The following MLEC variants were observed in gnomAD, a reference collection of about 807,000 sequenced individuals.
MLEC encodes oligosaccharyltransferase complex subunit (non-catalytic).
Under a neutral mutation model 28.7 loss-of-function variants are expected in MLEC, and 7 were observed. That is an observed-to-expected ratio of 0.24 (90% CI 0.14 to 0.46). The LOEUF (loss-of-function observed/expected upper bound fraction) is 0.46, where lower values mean the gene tolerates loss of function less well. Ranked by LOEUF, MLEC falls within the 20% of genes least tolerant of loss-of-function variation. The pLI, the probability that MLEC is intolerant of heterozygous loss-of-function variation, is 0.99. For missense variants in MLEC, 237 were observed against 391.1 expected, an observed-to-expected ratio of 0.61 and a Z score of 3.32; for synonymous variants, 142 against 164.4, an observed-to-expected ratio of 0.86 and a Z score of 1.04.
chr12:120,692,987 G>T (rs777478749), intron 1 of MLEC, among the ~76,000 whole-genome samples: 1 of 152,134 alleles, frequency 6.6e-6, no homozygotes, highest in Non-Finnish European at 1.5e-5. Flanking sequence ...TTGGGAGGCC[G>T]ATGCGGGTGG....
Position 120,696,867 on chromosome 12 carries a change from T to G in MLEC, c.*322T>G, listed in dbSNP as rs940900690. On this transcript the variant is annotated 3_prime_UTR_variant, in exon 5 of 5. Coordinates refer to ENST00000228506, the MANE Select transcript of MLEC (RefSeq NM_014730.4). This position sits in a 1 kb window ranked among gnomAD's most constrained non-coding sequence, Gnocchi z 5.4. ...ATACCTAGTGGAAAGGACTCTGAACTCAGAGGAGTCACTGTTCCTTTTTTT... is the reference window on the plus strand; with the variant it reads ...ATACCTAGTGGAAAGGACTCTGAACGCAGAGGAGTCACTGTTCCTTTTTTT... The G allele has an allele frequency of 3.4e-6, 1 of 293,632 alleles. No individual in the cohort carries two copies. The highest frequency in any genetic ancestry group is 6.4e-6 in the Non-Finnish European group (1 of 156,458). 18.2% of individuals were successfully genotyped at this position (293,632 alleles called of 1,614,324 possible). A position where few individuals can be genotyped will look rare whatever the true frequency, so the allele number is the denominator to read the frequency against.
Position 120,695,125 on chromosome 12 carries a change from C to T in MLEC, c.622C>T (p.Leu208Phe), listed in dbSNP as rs770330301. ...GYYDNPKVCA[L>F]YIMAGTVDDV... ...CTATGACAATCCCAAGGTCTGTGCA[C>T]TCTACATCATGGCTGGGACAGTGGA... The change falls in exon 4 of 5, where the codon CTC becomes TTC. Residue 208 changes from leucine to phenylalanine, a missense_variant. By Grantham distance (22) the Leu-to-Phe change is conservative. Coordinates refer to ENST00000228506, the MANE Select transcript of MLEC (RefSeq NM_014730.4). 1 of 1,614,200 alleles carries T rather than the reference C, an allele frequency of 6.2e-7. No individual in the cohort carries two copies. The highest frequency in any genetic ancestry group is 1.1e-5 in the South Asian group (1 of 91,086).
At chr12:120,693,047 CAT>C in intron 1 of MLEC, among the ~76,000 whole-genome samples, 1 of 152,314 alleles carries the variant, frequency 6.6e-6, no homozygotes, top group East Asian at 1.9e-4. Flanking sequence ...AAGAAAAAAA[CAT>C]ATATACAACT....
At chr12:120,689,975 T>C (rs1236433621) in intron 1 of MLEC, among the ~76,000 whole-genome samples, 1 of 152,200 alleles carries the variant, frequency 6.6e-6, no homozygotes, top group East Asian at 1.9e-4. Flanking sequence ...TGGTTTATGC[T>C]TTCAAAAGCA....
intron 1 of MLEC, among the ~76,000 whole-genome samples, chr12:120,692,761 A>G (rs1244609301): frequency 6.6e-6 from 1 of 151,022 alleles, no homozygotes; most frequent in African/African-American, 2.4e-5. Context: ...TCTTAATTTC[A>G]TGCGGGAGGA....
At chr12:120,695,301 T>G (rs758437494) in intron 4 of MLEC, 149 bp downstream of exon 4, 3 of 862,220 alleles carry the variant, frequency 3.5e-6, no homozygotes, top group Admixed American at 1.9e-5. Flanking sequence ...GGATGAAGCA[T>G]AACATGGTAC....
chr12:120,696,497 G>A lies in MLEC; in HGVS notation c.831G>A (p.Val277=), dbSNP rs1419504344. 1 of 1,614,024 alleles carries A rather than the reference G, an allele frequency of 6.2e-7. No individual in the cohort carries two copies. The highest frequency in any genetic ancestry group is 1.3e-5 in the African/African-American group (1 of 74,894). The change falls in exon 5 of 5, where the codon GTG becomes GTA. Residue 277 remains valine, a synonymous_variant. Coordinates refer to ENST00000228506, the MANE Select transcript of MLEC (RefSeq NM_014730.4). The surrounding 1 kb of genome is among the most constrained non-coding windows in gnomAD (Gnocchi z 5.4). ...GCAGCCTCATGTTTCCCATCCTGGTGGCCTTCGGAGTCTTCATTCCAACCC... is the reference window on the plus strand; with the variant it reads ...GCAGCCTCATGTTTCCCATCCTGGTAGCCTTCGGAGTCTTCATTCCAACCC... ...DNSSLMFPIL[V]AFGVFIPTLF...
chr12:120,687,345 C>T lies in MLEC; in HGVS notation c.49C>T (p.Leu17=), dbSNP rs933718506. The T allele has an allele frequency of 3.8e-6, 5 of 1,329,314 alleles. No homozygotes were observed. Among genetic ancestry groups the T allele is most frequent in the Non-Finnish European group, 4.8e-6 (5 of 1,032,536 alleles). The allele number at this position is 1,329,314 out of a possible 1,614,324, so 82.3% of individuals were successfully genotyped here. A position where few individuals can be genotyped will look rare whatever the true frequency, so the allele number is the denominator to read the frequency against. The change falls in exon 1 of 5, where the codon CTG becomes TTG. Residue 17 remains leucine, a synonymous_variant. Coordinates refer to ENST00000228506, the MANE Select transcript of MLEC (RefSeq NM_014730.4). The surrounding 1 kb of genome is among the most constrained non-coding windows in gnomAD (Gnocchi z 8.1). ...VEGTAVALLR[L]LLLLLPPAIR... ...GGGAACCGCTGTGGCGCTCCTGCGA[C>T]TGCTGCTGCTGCTGCTGCCGCCGGC...
At chr12:120,695,788 T>A (rs1882208958) in intron 4 of MLEC, among the ~76,000 whole-genome samples, 1 of 152,226 alleles carries the variant, frequency 6.6e-6, no homozygotes, top group Non-Finnish European at 1.5e-5. Context: ...GAGGATTTCA[T>A]CCTGTTGTCT....
Position 120,687,520 on chromosome 12 carries a change from G to A in MLEC, c.224G>A (p.Arg75Gln). 1 of 1,491,766 alleles carries A rather than the reference G, an allele frequency of 6.7e-7. No individual in the cohort carries two copies. The highest frequency in any genetic ancestry group is 8.9e-7 in the Non-Finnish European group (1 of 1,121,604). The allele number at this position is 1,491,766 out of a possible 1,614,324, so 92.4% of individuals were successfully genotyped here. ...TTCCGCAAGGACCCTTTGGAAGGCC[G>A]GGTGGGCCGAGGTGAGAGTCCCCCT... ...IHFRKDPLEG[R>Q]VGRASDYGMK... is the part of the protein sequence containing the mutation. Residue 75 changes from arginine (R) to glutamine (Q), a missense_variant, in exon 1 of 5, where the codon CGG becomes CAG. By Grantham distance (43) the Arg-to-Gln change is conservative. Coordinates refer to ENST00000228506, the MANE Select transcript of MLEC (RefSeq NM_014730.4). The surrounding 1 kb of genome is among the most constrained non-coding windows in gnomAD (Gnocchi z 8.1).
Position 120,687,337 on chromosome 12 carries a change from T to C in MLEC, c.41T>C (p.Leu14Pro), listed in dbSNP as rs2137409902. 7.2e-7 allele frequency: 1 copy of C among 1,394,624 alleles called. No homozygotes were observed. The highest frequency in any genetic ancestry group is 9.3e-7 in the Non-Finnish European group (1 of 1,076,156). The allele number at this position is 1,394,624 out of a possible 1,614,324, so 86.4% of individuals were successfully genotyped here. ...AWAVEGTAVALLRLLLLLLPP... is the reference protein window; with the variant it reads ...AWAVEGTAVAPLRLLLLLLPP... ...GCGGTTGAGGGAACCGCTGTGGCGC[T>C]CCTGCGACTGCTGCTGCTGCTGCTG... Residue 14 changes from leucine (L) to proline (P), a missense_variant, in exon 1 of 5, where the codon CTC becomes CCC. Coordinates refer to ENST00000228506, the MANE Select transcript of MLEC (RefSeq NM_014730.4). This position sits in a 1 kb window ranked among gnomAD's most constrained non-coding sequence, Gnocchi z 8.1.
rs1882370237 is a variant in MLEC, at chr12:120,699,629, A to G, written c.*3084A>G. The G allele has an allele frequency of 6.6e-6, 1 of 152,120 alleles. No homozygotes were observed. Among genetic ancestry groups the G allele is most frequent in the Non-Finnish European group, 1.5e-5 (1 of 68,024 alleles). The allele number at this position is 152,120 out of a possible 1,614,324, so 9.4% of individuals were successfully genotyped here. A position where few individuals can be genotyped will look rare whatever the true frequency, so the allele number is the denominator to read the frequency against. ...AGACTCACTTTTCTGAAAAATCTCCATTGTTGAGGAGAGGCTGCTCAATCG... is the reference window on the plus strand; with the variant it reads ...AGACTCACTTTTCTGAAAAATCTCCGTTGTTGAGGAGAGGCTGCTCAATCG... On this transcript the variant is annotated 3_prime_UTR_variant, in exon 5 of 5. Transcript: ENST00000228506.
At chr12:120,688,467 T>C (rs749875873) in intron 1 of MLEC, among the ~76,000 whole-genome samples, 4 of 152,254 alleles carry the variant, frequency 2.6e-5, no homozygotes. Flanking sequence ...TTTTGGAAGA[T>C]CAGCTTTATA....
In MLEC at chr12:120,694,517, T is replaced by C. The variant is rs1388564169; in HGVS notation, c.414+248T>C. On this transcript the variant is annotated intron_variant, in intron 2 of 4. Coordinates refer to ENST00000228506, the MANE Select transcript of MLEC (RefSeq NM_014730.4). The surrounding 1 kb of genome is among the most constrained non-coding windows in gnomAD (Gnocchi z 4.5). ...CCCTCCTGGCTACTTCCCTCCATGG[T>C]TTGCCGCACCTTCTTGTTTTTAGCC... is the stretch of plus-strand genomic sequence containing the variant. Among the ~76,000 whole-genome samples the C allele has an allele frequency of 6.6e-6, 1 of 152,202 alleles. No individual in the cohort carries two copies. The highest frequency in any genetic ancestry group is 1.5e-5 in the Non-Finnish European group (1 of 68,036).
chr12:120,687,519 CG>C lies in MLEC; in HGVS notation c.226del (p.Val76TrpfsTer9). The C allele has an allele frequency of 6.7e-7, 1 of 1,489,046 alleles. No individual in the cohort carries two copies. The highest frequency in any genetic ancestry group is 8.9e-7 in the Non-Finnish European group (1 of 1,120,286). The allele number at this position is 1,489,046 out of a possible 1,614,324, so 92.2% of individuals were successfully genotyped here. A position where few individuals can be genotyped will look rare whatever the true frequency, so the allele number is the denominator to read the frequency against. On this transcript the variant is annotated frameshift_variant, in exon 1 of 5. Coordinates refer to ENST00000228506, the MANE Select transcript of MLEC (RefSeq NM_014730.4). LOFTEE classifies it high-confidence loss of function. The surrounding 1 kb of genome is among the most constrained non-coding windows in gnomAD (Gnocchi z 8.1). ...IHFRKDPLEG[R>X]VGRASDYGMK... The stretch of plus-strand genomic sequence containing the variant: ...CTTCCGCAAGGACCCTTTGGAAGGC[CG>C]GGTGGGCCGAGGTGAGAGTCCCCCT...
Position 120,698,837 on chromosome 12 carries a change from T to C in MLEC, c.*2292T>C, listed in dbSNP as rs932394147. The C allele has an allele frequency of 1.3e-5, 2 of 152,584 alleles. No homozygotes were observed. The highest frequency in any genetic ancestry group is 2.9e-5 in the Non-Finnish European group (2 of 68,032). The allele number at this position is 152,584 out of a possible 1,614,324, so 9.5% of individuals were successfully genotyped here. On this transcript the variant is annotated 3_prime_UTR_variant, in exon 5 of 5. Coordinates refer to ENST00000228506, the MANE Select transcript of MLEC (RefSeq NM_014730.4). ...GCCTCTGTTTCCAAGCCCACCCTTT[T>C]CCCCTGAGCTCAGGGTTAGGGATGG...
Position 120,695,146 on chromosome 12 carries a change from G to C in MLEC, c.643G>C (p.Val215Leu). ...VCALYIMAGT[V>L]DDVPKLQPHP... Reference sequence around the variant, plus strand: ...TGCACTCTACATCATGGCTGGGACAGTGGATGGTAGGTTGTGTTCTGACCT... The same window carrying C: ...TGCACTCTACATCATGGCTGGGACACTGGATGGTAGGTTGTGTTCTGACCT... Residue 215 changes from valine (V) to leucine (L), a missense_variant, in exon 4 of 5, where the codon GTG (valine) becomes CTG (leucine). Coordinates refer to ENST00000228506, the MANE Select transcript of MLEC (RefSeq NM_014730.4). The C allele has an allele frequency of 6.2e-7, 1 of 1,614,220 alleles. No individual in the cohort carries two copies. Among genetic ancestry groups the C allele is most frequent in the Non-Finnish European group, 8.5e-7 (1 of 1,180,034 alleles).
Position 120,699,518 on chromosome 12 carries a change from GTC to G in MLEC, c.*2978_*2979del, listed in dbSNP as rs1469558468. On this transcript the variant is annotated 3_prime_UTR_variant, in exon 5 of 5. Coordinates refer to ENST00000228506, the MANE Select transcript of MLEC (RefSeq NM_014730.4). Reference sequence around the variant, plus strand: ...TCTGACTTAGGTCAGGGGCCTGTTGGTCTCTCATTGGACGTTTTTGGGTCTCA... The same window carrying G: ...TCTGACTTAGGTCAGGGGCCTGTTGGTCTCATTGGACGTTTTTGGGTCTCA... 6.6e-6 allele frequency: 1 copy of G among 152,250 alleles called. No homozygotes were observed. The highest frequency in any genetic ancestry group is 1.9e-4 in the East Asian group (1 of 5,204). 9.4% of individuals were successfully genotyped at this position (152,250 alleles called of 1,614,324 possible).
Position 120,696,554 on chromosome 12 carries a change from G to T in MLEC, c.*9G>T, listed in dbSNP as rs768510507. 3.2e-5 allele frequency: 51 copies of T among 1,614,000 alleles called. 1 individual carries two copies. In the East Asian group the frequency reaches 4.7e-4, roughly 15 times the overall value. ...GCCTCTGCCGGTTGTGAGAACAAATGACTATCCTGAACAGGGTGGAGGGGT... is the reference window on the plus strand; with the variant it reads ...GCCTCTGCCGGTTGTGAGAACAAATTACTATCCTGAACAGGGTGGAGGGGT... On this transcript the variant is annotated 3_prime_UTR_variant, in exon 5 of 5. Transcript: ENST00000228506. The surrounding 1 kb of genome is among the most constrained non-coding windows in gnomAD (Gnocchi z 5.4).
Sources: gnomAD v4.1 joint callset for allele counts (sites outside exome capture counted in the v4.1 genomes callset) on GRCh38, gnomAD v4.1.1 for gene constraint, Gnocchi (gnomAD v3.1) non-coding constraint, MANE v1.5 for transcripts, NCBI Gene and HGNC (gene_info 2026-07-23, HGNC 2026-07-21) for gene names.